Variants in GABRB2 observed in about 807,000 individuals in gnomAD.
GABRB2 encodes the protein gamma-aminobutyric acid type A receptor subunit beta2.
GABRB2 carries 16 observed loss-of-function variants against 54.7 expected under a neutral mutation model. The ratio of observed to expected loss-of-function variants is 0.29; its 90% CI spans 0.20 to 0.44. GABRB2 has a LOEUF of 0.44. GABRB2 is among the 20% of genes least tolerant of loss of function. The pLI, the probability that GABRB2 is intolerant of heterozygous loss-of-function variation, is 1.00. For missense variants in GABRB2, 355 were observed against 644.0 expected (o/e 0.55, Z 4.86); for synonymous variants, 244 against 233.8 (o/e 1.04, Z -0.40).
rs1200043991 is a variant in GABRB2, at chr5:161,294,043, G to A, written c.*38C>T. The A allele has an allele frequency of 5.4e-6, 8 of 1,488,566 alleles. No individual in the cohort carries two copies. The East Asian group carries it at 1.4e-4, about 25-fold the overall frequency. The allele number at this position is 1,488,566 out of a possible 1,614,324, so 92.2% of individuals were successfully genotyped here. ...CATCAGGCTGTACAACTGGTTTGAG[G>A]AGGAATCTAGTCCTTGCTTCCAGTG... On this transcript the variant is annotated 3_prime_UTR_variant, in exon 10 of 10. Transcript: ENST00000393959.
chr5:161,447,636 C>T (rs2113226223), intron 4 of GABRB2, among the ~76,000 whole-genome samples: 1 of 152,150 alleles, frequency 6.6e-6, no homozygotes, highest in South Asian at 2.1e-4. Flanking sequence ...ACCTATTACA[C>T]CGGTTTGGTT....
intron 9 of GABRB2, among the ~76,000 whole-genome samples, chr5:161,298,041 G>A (rs1202627749): frequency 6.6e-6 from 1 of 152,176 alleles, no homozygotes; most frequent in African/African-American, 2.4e-5. Context: ...CAGTGATGAT[G>A]AGCTTTTTTT....
intron 5 of GABRB2, among the ~76,000 whole-genome samples, chr5:161,354,395 A>G (rs1037698861): frequency 6.6e-6 from 1 of 152,030 alleles, no homozygotes; most frequent in Non-Finnish European, 1.5e-5. Flanking sequence ...ACTCTCTAAT[A>G]TTTAAATCTA....
At chr5:161,472,521 G>A (rs1481708646) in intron 3 of GABRB2, among the ~76,000 whole-genome samples, 1 of 151,410 alleles carries the variant, frequency 6.6e-6, no homozygotes, top group Non-Finnish European at 1.5e-5. Context: ...ATTATTTCTC[G>A]GGTGGGGGTG....
At chr5:161,297,444 C>A (rs1323771423) in intron 9 of GABRB2, among the ~76,000 whole-genome samples, 1 of 152,088 alleles carries the variant, frequency 6.6e-6, no homozygotes, top group Non-Finnish European at 1.5e-5. Context: ...TCCCCCACCC[C>A]CTGACAGGCC....
chr5:161,341,937 T>TTATATA (rs1237952955), intron 5 of GABRB2, among the ~76,000 whole-genome samples: 6,069 of 75,152 alleles, frequency 0.081, 186 homozygotes, highest in South Asian at 0.084. Context: ...ATTTTTTCTT[T>TTATATA]TATATATATA....
intron 3 of GABRB2, among the ~76,000 whole-genome samples, chr5:161,468,352 A>T (rs1347952561): frequency 6.6e-6 from 1 of 152,010 alleles, no homozygotes; most frequent in Non-Finnish European, 1.5e-5. Flanking sequence ...CCACTCACTA[A>T]GCCCATCCAC....
intron 3 of GABRB2, among the ~76,000 whole-genome samples, chr5:161,541,930 C>A (rs139197001): frequency 1.8e-4 from 27 of 152,336 alleles, no homozygotes; most frequent in African/African-American, 5.8e-4. Flanking sequence ...TTTTGACACA[C>A]TTTCCTCACT....
At chr5:161,452,813 G>A (rs1439298364) in intron 4 of GABRB2, among the ~76,000 whole-genome samples, 1 of 152,046 alleles carries the variant, frequency 6.6e-6, no homozygotes, top group Non-Finnish European at 1.5e-5. Context: ...GGGTAACAAG[G>A]CGAAACCTCA....
intron 4 of GABRB2, among the ~76,000 whole-genome samples, chr5:161,424,040 C>T (rs1685257216): frequency 6.6e-6 from 1 of 152,062 alleles, no homozygotes; most frequent in Non-Finnish European, 1.5e-5. Context: ...TCTTTAATTC[C>T]ATGAAGGCTA....
chr5:161,365,555 C>A (rs1754947814), intron 5 of GABRB2, among the ~76,000 whole-genome samples: 1 of 152,116 alleles, frequency 6.6e-6, no homozygotes, highest in Non-Finnish European at 1.5e-5. Context: ...ACTTCTCAAA[C>A]ACTTATCAAT....
chr5:161,362,734 C>T (rs959033997), intron 5 of GABRB2, among the ~76,000 whole-genome samples: 3 of 152,096 alleles, frequency 2.0e-5, no homozygotes, highest in African/African-American at 7.2e-5. Context: ...ACAGACACTT[C>T]TCAAAAGAAG....
At chr5:161,340,974 T>C (rs1455674648) in intron 5 of GABRB2, among the ~76,000 whole-genome samples, 3 of 152,028 alleles carry the variant, frequency 2.0e-5, no homozygotes, top group Admixed American at 6.6e-5. Context: ...GGCTACTGCC[T>C]GTCTTAGAAA....
intron 3 of GABRB2, among the ~76,000 whole-genome samples, chr5:161,519,649 G>A (rs1277032721): frequency 6.6e-6 from 1 of 151,968 alleles, no homozygotes; most frequent in Non-Finnish European, 1.5e-5. Context: ...ATCAATAAAT[G>A]GTTTATAATT....
At chr5:161,474,727 C>T (rs567852065) in intron 3 of GABRB2, among the ~76,000 whole-genome samples, 1 of 152,108 alleles carries the variant, frequency 6.6e-6, no homozygotes, top group South Asian at 2.1e-4. Flanking sequence ...AAGGAAATTA[C>T]ATTACGTCAG....
Position 161,288,585 on chromosome 5 carries a change from C to G in GABRB2, c.*5496G>C, listed in dbSNP as rs879861892. 2 of 152,564 alleles carry G rather than the reference C, an allele frequency of 1.3e-5. No individual in the cohort carries two copies. The highest frequency in any genetic ancestry group is 2.9e-5 in the Non-Finnish European group (2 of 68,030). The allele number at this position is 152,564 out of a possible 1,614,324, so 9.5% of individuals were successfully genotyped here. The stretch of plus-strand genomic sequence containing the variant: ...ATTTATAATCCTCATTTTTTACTAT[C>G]TCATGTATCCCAGAGATTTTAATAG... On this transcript the variant is annotated 3_prime_UTR_variant, in exon 10 of 10. Transcript: ENST00000393959.
At chr5:161,326,952 T>C (rs1758383205) in intron 8 of GABRB2, 6 of 974,904 alleles carry the variant, frequency 6.2e-6, no homozygotes, top group Non-Finnish European at 7.3e-6. Context: ...GGAAACAATA[T>C]AAAGCTTAAA....
intron 3 of GABRB2, among the ~76,000 whole-genome samples, chr5:161,505,178 G>C (rs1759569168): frequency 6.6e-6 from 1 of 150,964 alleles, no homozygotes; most frequent in Admixed American, 6.6e-5. Flanking sequence ...TCTCAGGCTG[G>C]AGTCCAATGG....
intron 3 of GABRB2, among the ~76,000 whole-genome samples, chr5:161,462,558 T>C (rs1300226208): frequency 1.3e-5 from 2 of 152,166 alleles, no homozygotes; most frequent in Non-Finnish European, 2.9e-5. Context: ...GGAGAAATAA[T>C]ACCGTTTGGA....
Sources: allele counts gnomAD v4.1 joint callset (sites outside exome capture counted in the v4.1 genomes callset), GRCh38; gene constraint gnomAD v4.1.1; transcripts MANE v1.5; gene names NCBI Gene and HGNC (gene_info 2026-07-23, HGNC 2026-07-21).